Variants in ABCA7 observed in about 807,000 individuals in gnomAD.
ABCA7 encodes ATP binding cassette subfamily A member 7.
ABCA7 carries 261 observed loss-of-function variants against 227.6 expected under a neutral mutation model. The ratio of observed to expected loss-of-function variants is 1.15; its 90% CI spans 1.04 to 1.27. The LOEUF is 1.27. Among genes scored for constraint, ABCA7 ranks in the 50% most tolerant of loss-of-function variants. The probability of loss-of-function intolerance (pLI) is 0.00; values close to 1 mark genes in which losing one functional copy is unlikely to be tolerated. For missense variants in ABCA7, 3,331 were observed against 2,924.5 expected (o/e 1.14, Z -3.21); for synonymous variants, 1,488 against 1,279.7 (o/e 1.16, Z -3.47).
chr19:1,050,882 T>C (rs766768346), intron 18 of ABCA7, 39 bp from the exon 19 acceptor site: 2 of 1,485,200 alleles, frequency 1.3e-6, no homozygotes, highest in Non-Finnish European at 1.8e-6. Context: ...GCCAGTGCAC[T>C]CTGTGAAGGG....
chr19:1,041,524 C>T lies in ABCA7; in HGVS notation c.81C>T (p.Val27=). ...TTCTCCCCCAGGTCCAGCTCCTGGT[C>T]GAATTGCTGTGGCCTCTCTTCCTCT... ...YRRRQPVQLL[V]ELLWPLFLFF... is the part of the protein sequence containing the mutation. Residue 27 remains valine, a synonymous_variant, in exon 3 of 47, where the codon GTC becomes GTT. Coordinates refer to ENST00000263094, the MANE Select transcript of ABCA7 (RefSeq NM_019112.4). 1.2e-6 allele frequency: 2 copies of T among 1,613,758 alleles called. No individual in the cohort carries two copies. Among genetic ancestry groups the T allele is most frequent in the Middle Eastern group, 1.7e-4 (1 of 6,060 alleles).
chr19:1,046,104 G>T, intron 12 of ABCA7, 126 bp from the exon 13 acceptor site: 1 of 1,115,634 alleles, frequency 9.0e-7, no homozygotes, highest in Non-Finnish European at 1.3e-6. Flanking sequence ...AGTGAGCTAT[G>T]ATTGCAGCTC....
At position 1,056,439 on chromosome 19, in the gene ABCA7, G is replaced by C. The variant is rs777467160; in HGVS notation, c.4526G>C (p.Ser1509Thr). 6.2e-7 allele frequency: 1 copy of C among 1,613,616 alleles called. No homozygotes were observed. The highest frequency in any genetic ancestry group is 1.3e-5 in the African/African-American group (1 of 74,978). The part of the protein sequence containing the change: ...LPPGPARHAH[S>T]ITTLNHPLNL... ...CCAGGCCCGGCCCGCCACGCCCACA[G>C]CATCACCACACTCAACCACCCCTTG... Residue 1509 changes from serine to threonine, a missense_variant, in exon 33 of 47, where the codon AGC (serine) becomes ACC (threonine). Coordinates refer to ENST00000263094, the MANE Select transcript of ABCA7 (RefSeq NM_019112.4). This position sits in a 1 kb window ranked among gnomAD's most constrained non-coding sequence, Gnocchi z 4.3.
chr19:1,054,874 C>A lies in ABCA7; in HGVS notation c.3946C>A (p.His1316Asn). ...GGAGCCCCCAGTGCAGCATAGCTCC[C>A]ACAGGTGAGGCGTCTTGTTGGCCTG... Reference protein sequence around the residue: ...LEEPPVQHSSHRFSAPEVPAE... With the variant: ...LEEPPVQHSSNRFSAPEVPAE... The change falls in exon 29 of 47, where the codon CAC (histidine) becomes AAC (asparagine). Residue 1316 changes from histidine to asparagine, a missense_variant. By Grantham distance (68) the His-to-Asn change is moderately conservative. Transcript: ENST00000263094. The surrounding 1 kb of genome is among the most constrained non-coding windows in gnomAD (Gnocchi z 4.8). 6.4e-7 allele frequency: 1 copy of A among 1,558,228 alleles called. No homozygotes were observed. The highest frequency in any genetic ancestry group is 8.7e-7 in the Non-Finnish European group (1 of 1,151,290).
intron 1 of ABCA7, among the ~76,000 whole-genome samples, chr19:1,040,411 C>A (rs944087410): frequency 6.6e-6 from 1 of 152,154 alleles, no homozygotes; most frequent in African/African-American, 2.4e-5. Flanking sequence ...CCTGCAGCCC[C>A]CTGCCCGTTA....
intron 45 of ABCA7, chr19:1,064,563 GTTA>G: frequency 2.1e-6 from 1 of 474,748 alleles, no homozygotes; most frequent in Non-Finnish European, 3.7e-6. Context: ...GGAGGGCCTG[GTTA>G]GTGGGCGGGG....
Position 1,055,905 on chromosome 19 carries a change from A to C in ABCA7, c.4206-2A>C. 3.1e-6 allele frequency: 5 copies of C among 1,590,482 alleles called. No individual in the cohort carries two copies. The highest frequency in any genetic ancestry group is 4.3e-6 in the Non-Finnish European group (5 of 1,167,646). On this transcript the variant is annotated splice_acceptor_variant, in intron 30 of 46. Coordinates refer to ENST00000263094, the MANE Select transcript of ABCA7 (RefSeq NM_019112.4). LOFTEE classifies it high-confidence loss of function. ...CTGTGTCTCTGTCCATCTCTCCCAC[A>C]GCCTGAAGACTAAGAAGTGGGTGAA...
intron 21 of ABCA7, 97 bp from the exon 22 acceptor site, chr19:1,051,845 G>A: frequency 6.7e-7 from 1 of 1,491,316 alleles, no homozygotes; most frequent in Non-Finnish European, 9.1e-7. Context: ...ATGAATAGGA[G>A]TTTGCTTCAT....
chr19:1,049,488 G>T lies in ABCA7; in HGVS notation c.2552+51G>T. On this transcript the variant is annotated intron_variant, in intron 18 of 46. Coordinates refer to ENST00000263094, the MANE Select transcript of ABCA7 (RefSeq NM_019112.4). ...GTGAGCCCCCCCACTCCCACCCCGT[G>T]AGCCCCCCCACCACTCCCTCCCCGT... 3.4e-6 allele frequency: 2 copies of T among 594,370 alleles called. 1 individual carries two copies. Among genetic ancestry groups the T allele is most frequent in the Non-Finnish European group, 4.1e-6 (2 of 482,128 alleles). 36.8% of individuals were successfully genotyped at this position (594,370 alleles called of 1,614,324 possible). A position where few individuals can be genotyped will look rare whatever the true frequency, so the allele number is the denominator to read the frequency against.
chr19:1,043,959 A>C, intron 10 of ABCA7, 118 bp downstream of exon 10: 3 of 768,136 alleles, frequency 3.9e-6, no homozygotes, highest in Non-Finnish European at 6.3e-6. Context: ...TTTTTTTGAG[A>C]TGGAGTCTCG....
chr19:1,051,804 C>G (rs796935313), intron 21 of ABCA7, 138 bp from the exon 22 acceptor site: 2 of 1,261,708 alleles, frequency 1.6e-6, no homozygotes, highest in South Asian at 2.8e-5. Context: ...AGGTTTCCAA[C>G]AAGGAGGTTC....
rs189602802 is a variant in ABCA7 at position 1,063,586 on chromosome 19, G to T, written c.5755G>T (p.Ala1919Ser). Reference protein sequence around the residue: ...GLARLGLSWYADRPAGTYSGG... With the variant: ...GLARLGLSWYSDRPAGTYSGG... ...GGCGCGTCTGGGACTCTCATGGTAC[G>T]CAGACCGGCCTGCAGGCACCTACAG... The change falls in exon 43 of 47, where the codon GCA (alanine) becomes TCA (serine). Residue 1919 changes from alanine (A) to serine (S), a missense_variant. Physicochemically the swap from Ala to Ser is moderately conservative, Grantham distance 99. Transcript: ENST00000263094. 184 of 1,611,136 alleles carry T rather than the reference G, an allele frequency of 1.1e-4. 1 individual carries two copies. The Admixed American group carries it at 3.0e-3, about 27-fold the overall frequency.
chr19:1,055,899 T>C lies in ABCA7; in HGVS notation c.4206-8T>C. On this transcript the variant is annotated splice_region_variant and splice_polypyrimidine_tract_variant and intron_variant, in intron 30 of 46. Coordinates refer to ENST00000263094, the MANE Select transcript of ABCA7 (RefSeq NM_019112.4). ...GTCTGCCTGTGTCTCTGTCCATCTCTCCCACAGCCTGAAGACTAAGAAGTG... is the reference window on the plus strand; with the variant it reads ...GTCTGCCTGTGTCTCTGTCCATCTCCCCCACAGCCTGAAGACTAAGAAGTG... 1 of 1,587,574 alleles carries C rather than the reference T, an allele frequency of 6.3e-7. No homozygotes were observed. The highest frequency in any genetic ancestry group is 8.6e-7 in the Non-Finnish European group (1 of 1,166,216).
rs139361469 is a variant in ABCA7 at position 1,045,094 on chromosome 19, C to G, written c.1308C>G (p.Ala436=). 4 of 1,612,952 alleles carry G rather than the reference C, an allele frequency of 2.5e-6. No individual in the cohort carries two copies. Among genetic ancestry groups the G allele is most frequent in the Admixed American group, 1.7e-5 (1 of 60,008 alleles). Residue 436 remains alanine, a synonymous_variant, in exon 12 of 47, where the codon GCC becomes GCG. Transcript: ENST00000263094. Reference sequence around the variant, plus strand: ...TGCTCGCGGAACATCGATTCTGGGCCGGCGTCGTCTTCTTGGGACCTGAGG... The same window carrying G: ...TGCTCGCGGAACATCGATTCTGGGCGGGCGTCGTCTTCTTGGGACCTGAGG... ...LQLLAEHRFW[A]GVVFLGPEDS...
At chr19:1,057,469 C>G in intron 35 of ABCA7, 40 bp downstream of exon 35, 1 of 1,544,632 alleles carries the variant, frequency 6.5e-7, no homozygotes. Flanking sequence ...CTTACTGACC[C>G]CTTACTGCCT....
chr19:1,064,469 G>A (rs1030921114), intron 45 of ABCA7, among the ~76,000 whole-genome samples: 1 of 152,072 alleles, frequency 6.6e-6, no homozygotes, highest in African/African-American at 2.4e-5. Flanking sequence ...GGGGGCTCTG[G>A]GTGGATTTAG....
In ABCA7 at chr19:1,041,530, G is replaced by T; in HGVS notation, c.87G>T (p.Leu29Phe). 1 of 1,613,620 alleles carries T rather than the reference G, an allele frequency of 6.2e-7. No individual in the cohort carries two copies. Among genetic ancestry groups the T allele is most frequent in the Non-Finnish European group, 8.5e-7 (1 of 1,180,026 alleles). The change falls in exon 3 of 47, where the codon TTG (leucine) becomes TTT (phenylalanine). Residue 29 changes from leucine to phenylalanine, a missense_variant. Coordinates refer to ENST00000263094, the MANE Select transcript of ABCA7 (RefSeq NM_019112.4). ...CCCAGGTCCAGCTCCTGGTCGAATTGCTGTGGCCTCTCTTCCTCTTCTTCA... is the reference window on the plus strand; with the variant it reads ...CCCAGGTCCAGCTCCTGGTCGAATTTCTGTGGCCTCTCTTCCTCTTCTTCA... The part of the protein sequence containing the change: ...RRQPVQLLVE[L>F]LWPLFLFFIL...
At chr19:1,048,784 G>C in intron 16 of ABCA7, 111 bp from the exon 17 acceptor site, 1 of 547,984 alleles carries the variant, frequency 1.8e-6, no homozygotes, top group Non-Finnish European at 3.1e-6. Flanking sequence ...ACTCCAGCCT[G>C]GGCAACAGAG....
Position 1,062,295 on chromosome 19 carries a change from G to C in ABCA7, c.5694G>C (p.Pro1898=). 1 of 1,606,126 alleles carries C rather than the reference G, an allele frequency of 6.2e-7. No homozygotes were observed. The highest frequency in any genetic ancestry group is 8.5e-7 in the Non-Finnish European group (1 of 1,179,530). Residue 1898 remains proline (P), a synonymous_variant, in exon 42 of 47, where the codon CCG becomes CCC. Coordinates refer to ENST00000263094, the MANE Select transcript of ABCA7 (RefSeq NM_019112.4). ...LELLARLRGV[P]EAQVAQTAGS... ...TGCTTGCGCGCCTGCGCGGTGTCCC[G>C]GAGGCCCAGGTTGCCCAGGTGAGCC... is the stretch of plus-strand genomic sequence containing the variant.
Sources: allele counts gnomAD v4.1 joint callset (sites outside exome capture counted in the v4.1 genomes callset), GRCh38; gene constraint gnomAD v4.1.1; non-coding constraint Gnocchi (gnomAD v3.1); transcripts MANE v1.5; gene names NCBI Gene and HGNC (gene_info 2026-07-23, HGNC 2026-07-21).